ADAM19: variants seen among roughly 807,000 people sequenced by gnomAD.
The protein encoded by ADAM19 is ADAM metallopeptidase domain 19.
ADAM19 carries 65 observed loss-of-function variants against 114.7 expected under a neutral mutation model. That is an observed-to-expected ratio of 0.57 (90% confidence interval 0.46 to 0.70). ADAM19 has a LOEUF of 0.70. ADAM19 is among the 30% of genes least tolerant of loss of function. ADAM19 has a pLI of 0.00. For missense variants in ADAM19, 1,063 were observed against 1,204.7 expected (o/e 0.88, Z 1.74); for synonymous variants, 466 against 460.5 (o/e 1.01, Z -0.15).
chr5:157,482,510 T>A (rs1365648994), intron 21 of ADAM19, among the ~76,000 whole-genome samples: 1 of 152,242 alleles, frequency 6.6e-6, no homozygotes, highest in Non-Finnish European at 1.5e-5. Context: ...TTGCCTAGGT[T>A]TTCTTCTAGG....
In ADAM19 at chr5:157,502,999, G is replaced by T; in HGVS notation, c.1131-19C>A. 6.2e-7 allele frequency: 1 copy of T among 1,605,874 alleles called. No individual in the cohort carries two copies. The highest frequency in any genetic ancestry group is 1.1e-5 in the South Asian group (1 of 90,784). The stretch of plus-strand genomic sequence containing the variant: ...GGGGTGCCTGGCAGAGGACAAGGCT[G>T]GAATTAGTGGGGAGTTTGAGCATCT... On this transcript the variant is annotated intron_variant, in intron 11 of 22. Coordinates refer to ENST00000257527, the MANE Select transcript of ADAM19 (RefSeq NM_033274.5).
chr5:157,531,622 G>C (rs1756626990), intron 4 of ADAM19, among the ~76,000 whole-genome samples: 1 of 151,396 alleles, frequency 6.6e-6, no homozygotes, highest in Admixed American at 6.6e-5. Context: ...AGCCAAGATC[G>C]CACCATTGCA....
chr5:157,477,750 T>C lies in ADAM19; in HGVS notation c.*3199A>G. The stretch of plus-strand genomic sequence containing the variant: ...TTCCATACCCTCTGTCAAATAAGAA[T>C]AAATTAGGAAGTAGGCAGGGAGAGA... On this transcript the variant is annotated 3_prime_UTR_variant, in exon 23 of 23. Transcript: ENST00000257527. The C allele has an allele frequency of 1.6e-6, 2 of 1,288,218 alleles. No individual in the cohort carries two copies. The highest frequency in any genetic ancestry group is 2.0e-6 in the Non-Finnish European group (2 of 987,640). 79.8% of individuals were successfully genotyped at this position (1,288,218 alleles called of 1,614,324 possible).
Position 157,518,808 on chromosome 5 carries a change from T to G in ADAM19, c.666+15A>C. 6.2e-7 allele frequency: 1 copy of G among 1,609,184 alleles called. No homozygotes were observed. Among genetic ancestry groups the G allele is most frequent in the Non-Finnish European group, 8.5e-7 (1 of 1,175,458 alleles). On this transcript the variant is annotated intron_variant, in intron 7 of 22. Coordinates refer to ENST00000257527, the MANE Select transcript of ADAM19 (RefSeq NM_033274.5). ...GAGAGCAGTTTTTCTGCAAGACCCATTGCCTCCCCCTTACCTCTAAATAAT... is the reference window on the plus strand; with the variant it reads ...GAGAGCAGTTTTTCTGCAAGACCCAGTGCCTCCCCCTTACCTCTAAATAAT...
chr5:157,517,478 T>C (rs1423244795), intron 7 of ADAM19, among the ~76,000 whole-genome samples: 1 of 152,238 alleles, frequency 6.6e-6, no homozygotes, highest in East Asian at 1.9e-4. Context: ...CTGGCTAATT[T>C]AGGCAAATAT....
At chr5:157,549,278 T>C (rs1224406308) in intron 3 of ADAM19, among the ~76,000 whole-genome samples, 2 of 152,224 alleles carry the variant, frequency 1.3e-5, no homozygotes, top group African/African-American at 2.4e-5. Flanking sequence ...AATTAAAATA[T>C]TGAGCTCTAT....
At chr5:157,560,138 G>A (rs1046344183) in intron 3 of ADAM19, among the ~76,000 whole-genome samples, 39 of 150,282 alleles carry the variant, frequency 2.6e-4, no homozygotes, top group African/African-American at 7.3e-4. Flanking sequence ...AGTGGCGGGC[G>A]CCTGTAGTCC....
At chr5:157,548,514 G>A (rs774296927) in intron 3 of ADAM19, among the ~76,000 whole-genome samples, 8 of 152,188 alleles carry the variant, frequency 5.3e-5, no homozygotes, top group African/African-American at 1.2e-4. Flanking sequence ...TGCCAGAAAA[G>A]CCAGGGATTC....
chr5:157,517,455 T>A (rs1325358323), intron 7 of ADAM19, among the ~76,000 whole-genome samples: 1 of 152,196 alleles, frequency 6.6e-6, no homozygotes, highest in Non-Finnish European at 1.5e-5. Context: ...AAAGTGAGAA[T>A]TGGAGGTAAC....
At chr5:157,570,853 T>C in intron 2 of ADAM19, 42 bp downstream of exon 2, 1 of 1,566,466 alleles carries the variant, frequency 6.4e-7, no homozygotes, top group Non-Finnish European at 8.8e-7. Flanking sequence ...AAACCTCAGT[T>C]GTCAACTCCT....
intron 1 of ADAM19, 33 bp downstream of exon 1, chr5:157,575,570 C>G (rs1471733009): frequency 4.9e-6 from 7 of 1,437,126 alleles, no homozygotes. Context: ...TCCGGGCCAC[C>G]CAGCCTCCAT....
chr5:157,487,638 C>A (rs1267683878), intron 21 of ADAM19, among the ~76,000 whole-genome samples: 3 of 150,654 alleles, frequency 2.0e-5, no homozygotes, highest in African/African-American at 7.3e-5. Context: ...GCTGGGCAGG[C>A]TATGCCTCCA....
chr5:157,499,773 C>CTT (rs553103564), intron 12 of ADAM19, 111 bp from the exon 13 acceptor site: 1,769 of 417,272 alleles, frequency 4.2e-3, no homozygotes, highest in Middle Eastern at 7.0e-3. Flanking sequence ...GCAACTATCT[C>CTT]TTTTTTTTTT....
chr5:157,564,253 C>T, intron 3 of ADAM19, 120 bp downstream of exon 3: 3 of 889,114 alleles, frequency 3.4e-6, no homozygotes, highest in South Asian at 1.4e-5. Flanking sequence ...TGAAAGAAAC[C>T]AAGGACTGAG....
At chr5:157,528,882 C>T (rs1013248523) in intron 5 of ADAM19, among the ~76,000 whole-genome samples, 1 of 152,174 alleles carries the variant, frequency 6.6e-6, no homozygotes, top group Non-Finnish European at 1.5e-5. Flanking sequence ...TTTCCCTCCA[C>T]CTGTGTAGGG....
chr5:157,516,244 G>C (rs908211681), intron 7 of ADAM19, among the ~76,000 whole-genome samples: 4 of 152,174 alleles, frequency 2.6e-5, no homozygotes, highest in Admixed American at 2.6e-4. Context: ...AAAGCCTTCA[G>C]CGGAGGGGTG....
rs35731498 is a variant in ADAM19, at chr5:157,560,264, C to CAAA, written c.251+4106_251+4108dup. 7.3e-4 allele frequency among the ~76,000 whole-genome samples: 38 copies of CAAA among 51,710 alleles called. 1 individual carries two copies. Among genetic ancestry groups the CAAA allele is most frequent in the African/African-American group, 1.3e-3 (21 of 15,790 alleles). 33.9% of individuals were successfully genotyped at this position (51,710 alleles called of 152,430 possible). On this transcript the variant is annotated intron_variant, in intron 3 of 22. Transcript: ENST00000257527. ...TGGGCGACAGAGCGAGACTCCGTCT[C>CAAA]AAAAAAAAAAAAAAAAAAAAAAAAA...
At position 157,477,392 on chromosome 5, in the gene ADAM19, T is replaced by A. The variant is rs1172061310; in HGVS notation, c.*3557A>T. 15 of 1,012,652 alleles carry A rather than the reference T, an allele frequency of 1.5e-5. No homozygotes were observed. The highest frequency in any genetic ancestry group is 1.2e-6 in the Non-Finnish European group (1 of 844,850). The allele number at this position is 1,012,652 out of a possible 1,614,324, so 62.7% of individuals were successfully genotyped here. A position where few individuals can be genotyped will look rare whatever the true frequency, so the allele number is the denominator to read the frequency against. ...GGCCCATTCAAGTATTTTGCATAGA[T>A]GTACAAATATTGTAAACAATTAATA... On this transcript the variant is annotated 3_prime_UTR_variant, in exon 23 of 23. Transcript: ENST00000257527.
chr5:157,505,939 C>T, intron 10 of ADAM19, 131 bp from the exon 11 acceptor site: 1 of 1,006,600 alleles, frequency 9.9e-7, no homozygotes, highest in Non-Finnish European at 1.4e-6. Flanking sequence ...ACAGACTCTC[C>T]ATATGTGCCT....
Sources: allele counts gnomAD v4.1 joint callset (sites outside exome capture counted in the v4.1 genomes callset), GRCh38; gene constraint gnomAD v4.1.1; transcripts MANE v1.5; gene names NCBI Gene and HGNC (gene_info 2026-07-23, HGNC 2026-07-21).